The following ASIC2 variants were observed in gnomAD, a reference collection of about 807,000 sequenced individuals.
ASIC2 encodes acid sensing ion channel subunit 2, also known as acid-sensing ion channel 2.
ASIC2 carries 25 observed loss-of-function variants against 57.3 expected under a neutral mutation model. That is an observed-to-expected ratio of 0.44 (90% CI 0.32 to 0.61). The LOEUF (loss-of-function observed/expected upper bound fraction) is 0.61, where lower values mean the gene tolerates loss of function less well. ASIC2 is among the 20% of genes least tolerant of loss of function. The pLI is 0.06. For synonymous variants in ASIC2, 319 were observed against 307.5 expected, an observed-to-expected ratio of 1.04 and a Z score of -0.39; for missense variants, 641 against 738.1, an observed-to-expected ratio of 0.87 and a Z score of 1.52.
chr17:33,533,264 T>C (rs1172476299), intron 1 of ASIC2, among the ~76,000 whole-genome samples: 1 of 151,986 alleles, frequency 6.6e-6, no homozygotes, highest in African/African-American at 2.4e-5. Flanking sequence ...GAGAATCGCT[T>C]GAACTCAGGA....
At chr17:33,217,632 G>A (rs1285621277) in intron 1 of ASIC2, among the ~76,000 whole-genome samples, 3 of 152,176 alleles carry the variant, frequency 2.0e-5, no homozygotes, top group East Asian at 1.9e-4. Context: ...AGCTTGGGTC[G>A]TAGAAAGAGC....
At chr17:33,865,440 G>C (rs1166665353) in intron 1 of ASIC2, among the ~76,000 whole-genome samples, 4 of 152,152 alleles carry the variant, frequency 2.6e-5, no homozygotes. Flanking sequence ...AAGTGAAAAT[G>C]TACCTGCCAG....
chr17:33,977,497 G>T (rs317330), intron 1 of ASIC2, among the ~76,000 whole-genome samples: 86,395 of 152,086 alleles, frequency 0.57, 24,950 homozygotes, highest in Non-Finnish European at 0.64. Flanking sequence ...GGTACACAAA[G>T]TGCACGTCTA....
intron 1 of ASIC2, among the ~76,000 whole-genome samples, chr17:33,323,310 A>G (rs1385335383): frequency 6.6e-6 from 1 of 152,238 alleles, no homozygotes; most frequent in Non-Finnish European, 1.5e-5. Context: ...ATGAATAAAT[A>G]AATTGCGGTA....
intron 1 of ASIC2, among the ~76,000 whole-genome samples, chr17:33,745,489 C>T (rs1302211853): frequency 4.2e-5 from 6 of 142,584 alleles, no homozygotes; most frequent in African/African-American, 1.3e-4. Flanking sequence ...CACCCAGATA[C>T]AGTAAAAATG....
intron 1 of ASIC2, among the ~76,000 whole-genome samples, chr17:33,876,649 G>C (rs1914553150): frequency 6.6e-6 from 1 of 152,124 alleles, no homozygotes; most frequent in Non-Finnish European, 1.5e-5. Context: ...CACCCACACA[G>C]AGCTCAGAGT....
intron 1 of ASIC2, among the ~76,000 whole-genome samples, chr17:33,607,483 G>A (rs765947837): frequency 6.6e-6 from 1 of 152,060 alleles, no homozygotes; most frequent in Non-Finnish European, 1.5e-5. Flanking sequence ...AGCAGAATCC[G>A]GCAGTCCCTA....
intron 1 of ASIC2, among the ~76,000 whole-genome samples, chr17:33,933,144 C>T (rs1343758542): frequency 6.6e-6 from 1 of 152,164 alleles, no homozygotes; most frequent in Non-Finnish European, 1.5e-5. Context: ...ATGCCCATCA[C>T]AGGGCCTTTG....
At chr17:33,056,499 G>T (rs935406880) in intron 3 of ASIC2, among the ~76,000 whole-genome samples, 2 of 152,114 alleles carry the variant, frequency 1.3e-5, no homozygotes, top group East Asian at 3.9e-4. Flanking sequence ...AATAGACACA[G>T]GTTGAGCCAT....
At chr17:34,027,865 T>C (rs1007895380) in intron 1 of ASIC2, among the ~76,000 whole-genome samples, 3 of 152,198 alleles carry the variant, frequency 2.0e-5, no homozygotes, top group Admixed American at 1.3e-4. Context: ...TAGGTTTTTA[T>C]TGATTGGATT....
At chr17:34,065,352 T>G (rs1909131827) in intron 1 of ASIC2, among the ~76,000 whole-genome samples, 1 of 151,990 alleles carries the variant, frequency 6.6e-6, no homozygotes, top group Non-Finnish European at 1.5e-5. Context: ...GTTGGGGACT[T>G]AGGGGGAAGA....
In ASIC2 at chr17:33,148,512, G is replaced by A. The variant is rs538979429; in HGVS notation, c.709-36445C>T. ...AAAGTGCACAGTGACTAAGATCCTA[G>A]GGCCGGAGGTCAAACTGCCTGGGTT... is the stretch of plus-strand genomic sequence containing the variant. On this transcript the variant is annotated intron_variant, in intron 1 of 9. Transcript: ENST00000225823. Among the ~76,000 whole-genome samples, 64 of 152,340 alleles carry A rather than the reference G, an allele frequency of 4.2e-4. No individual in the cohort carries two copies. In the South Asian group the frequency reaches 0.012, roughly 28 times the overall value.
At chr17:33,613,369 C>CTTTT (rs546720725) in intron 1 of ASIC2, among the ~76,000 whole-genome samples, 5 of 126,810 alleles carry the variant, frequency 3.9e-5, no homozygotes, top group African/African-American at 5.9e-5. Context: ...AATGTGTATT[C>CTTTT]TTTTTTTTTT....
intron 1 of ASIC2, among the ~76,000 whole-genome samples, chr17:34,088,545 A>C (rs972398023): frequency 2.0e-4 from 31 of 152,222 alleles, no homozygotes; most frequent in African/African-American, 7.2e-4. Context: ...GTGTGCTAGG[A>C]GAACCACTGC....
chr17:33,248,205 C>T (rs1908759559), intron 1 of ASIC2, among the ~76,000 whole-genome samples: 1 of 152,104 alleles, frequency 6.6e-6, no homozygotes, highest in African/African-American at 2.4e-5. Flanking sequence ...AAGAACATTC[C>T]AGGCAGAGGG....
chr17:33,154,747 T>G (rs1904931887), intron 1 of ASIC2, among the ~76,000 whole-genome samples: 1 of 152,196 alleles, frequency 6.6e-6, no homozygotes, highest in Non-Finnish European at 1.5e-5. Context: ...GCTTGGAGCT[T>G]TTTGCAAAAT....
intron 2 of ASIC2, among the ~76,000 whole-genome samples, chr17:33,095,325 C>A (rs867639263): frequency 2.6e-5 from 4 of 152,216 alleles, no homozygotes; most frequent in Admixed American, 6.5e-5. Flanking sequence ...CGACATTTTC[C>A]CTCCATTCGG....
rs142583020 is a variant in ASIC2 at position 33,546,170 on chromosome 17, T to C, written c.556-434103A>G. 6.3e-3 allele frequency among the ~76,000 whole-genome samples: 946 copies of C among 150,142 alleles called. 6 individuals are homozygous for C. The highest frequency in any genetic ancestry group is 0.011 in the Non-Finnish European group (764 of 67,672). ...ATATGTAAATATATATACATAAGTATATGTAAATATATATACATATGTATA... is the reference window on the plus strand; with the variant it reads ...ATATGTAAATATATATACATAAGTACATGTAAATATATATACATATGTATA... On this transcript the variant is annotated intron_variant, in intron 1 of 9. Coordinates refer to the ASIC2 transcript ENST00000359872.
intron 1 of ASIC2, among the ~76,000 whole-genome samples, chr17:34,051,509 A>T (rs538399225): frequency 1.3e-5 from 2 of 152,236 alleles, no homozygotes; most frequent in Non-Finnish European, 2.9e-5. Flanking sequence ...TGCAAAGATA[A>T]GTCAGGACTA....
Sources: allele counts gnomAD v4.1 joint callset (sites outside exome capture counted in the v4.1 genomes callset), GRCh38; gene constraint gnomAD v4.1.1; transcripts MANE v1.5; gene names NCBI Gene and HGNC (gene_info 2026-07-23, HGNC 2026-07-21).